The following HTR2C variants were observed in gnomAD, a reference collection of about 807,000 sequenced individuals.
HTR2C encodes 5-hydroxytryptamine receptor 2C.
A neutral mutation model predicts 21.0 loss-of-function variants in HTR2C; 5 were observed. The observed-to-expected ratio is 0.24, with a 90% CI of 0.12 to 0.50. HTR2C has a LOEUF of 0.50. HTR2C is among the 20% of genes least tolerant of loss of function. The pLI, the probability that HTR2C is intolerant of heterozygous loss-of-function variation, is 0.98. For synonymous variants in HTR2C, 150 were observed against 145.3 expected, an observed-to-expected ratio of 1.03 and a Z score of -0.23; for missense variants, 271 against 371.2, an observed-to-expected ratio of 0.73 and a Z score of 2.22.
At chrX:114,621,338 G>A (rs1222955372) in intron 2 of HTR2C, among the ~76,000 whole-genome samples, 3 of 112,173 alleles carry the variant, frequency 2.7e-5, no homozygotes, top group African/African-American at 9.7e-5. Flanking sequence ...ACTCAGCTCT[G>A]CCATTGTAGC....
intron 4 of HTR2C, among the ~76,000 whole-genome samples, chrX:114,794,283 G>A (rs1556444486): frequency 9.0e-6 from 1 of 110,902 alleles, no homozygotes. Flanking sequence ...CTAATTTATG[G>A]CTACCTCTTT....
intron 2 of HTR2C, among the ~76,000 whole-genome samples, chrX:114,636,041 G>T (rs1299063028): frequency 9.2e-6 from 1 of 109,274 alleles, no homozygotes; most frequent in Non-Finnish European, 1.9e-5. Context: ...AGCCAACTCA[G>T]CTGGGAAGCA....
chrX:114,602,546 C>T (rs1181676102), intron 1 of HTR2C, among the ~76,000 whole-genome samples: 1 of 76,872 alleles, frequency 1.3e-5, no homozygotes, highest in Non-Finnish European at 2.5e-5. Flanking sequence ...GACGGAGGAC[C>T]ATAAGGGATA....
chrX:114,864,349 A>G (rs113401196), intron 5 of HTR2C, among the ~76,000 whole-genome samples: 2 of 111,522 alleles, frequency 1.8e-5, no homozygotes, highest in Non-Finnish European at 3.8e-5. Flanking sequence ...ATAAAACATC[A>G]TATAGTTATA....
chrX:114,800,041 C>G lies in HTR2C; in HGVS notation c.350-47962C>G, dbSNP rs909877700. 8.2e-5 allele frequency among the ~76,000 whole-genome samples: 9 copies of G among 110,398 alleles called. No homozygotes were observed. The South Asian group carries it at 3.4e-3, about 42-fold the overall frequency. ...AAAAAAGGTGACTTTTGAGTAGGGT[C>G]TTAAAATGTAACTGGGTTTTTGAGA... On this transcript the variant is annotated intron_variant, in intron 4 of 5. Coordinates refer to ENST00000276198, the MANE Select transcript of HTR2C (RefSeq NM_000868.4).
At chrX:114,754,440 G>A (rs4338289) in intron 4 of HTR2C, among the ~76,000 whole-genome samples, 9,362 of 111,546 alleles carry the variant, frequency 0.084, 407 homozygotes, top group Middle Eastern at 0.14. Context: ...CATATTTGCA[G>A]AGGAAGGGAC....
Position 114,727,996 on chromosome X carries a change from A to G in HTR2C, c.35+1025A>G, listed in dbSNP as rs920984472. Among the ~76,000 whole-genome samples, 3 of 111,967 alleles carry G rather than the reference A, an allele frequency of 2.7e-5. No homozygotes were observed. In the Admixed American group the frequency reaches 2.9e-4, roughly 11 times the overall value. On this transcript the variant is annotated intron_variant, in intron 3 of 5. Coordinates refer to ENST00000276198, the MANE Select transcript of HTR2C (RefSeq NM_000868.4). ...CAACTTAGTATATAGCCATTGGCCC[A>G]TATACCAAAGTGTAGGACTGCCGTA...
chrX:114,724,642 AAT>A (rs1556421448), intron 2 of HTR2C, among the ~76,000 whole-genome samples: 4 of 100,211 alleles, frequency 4.0e-5, no homozygotes, highest in Non-Finnish European at 4.0e-5. Context: ...ATGATTTTGC[AAT>A]GGCTGGTACC....
intron 2 of HTR2C, among the ~76,000 whole-genome samples, chrX:114,647,918 TATC>T (rs1292728472): frequency 1.8e-5 from 2 of 112,102 alleles, no homozygotes; most frequent in African/African-American, 3.2e-5. Flanking sequence ...GGAGCAGAAA[TATC>T]ATCACCCATC....
At chrX:114,901,249 T>G (rs1475880595) in intron 5 of HTR2C, among the ~76,000 whole-genome samples, 1 of 112,383 alleles carries the variant, frequency 8.9e-6, no homozygotes, top group Non-Finnish European at 1.9e-5. Context: ...ATTCAAGGTT[T>G]TAAGAAATAA....
chrX:114,771,238 T>A (rs1301733003), intron 4 of HTR2C, among the ~76,000 whole-genome samples: 1 of 111,900 alleles, frequency 8.9e-6, no homozygotes, highest in Non-Finnish European at 1.9e-5. Flanking sequence ...TTTGTCCTCA[T>A]TGCTGCTTGC....
At chrX:114,711,239 T>C (rs782771249) in intron 2 of HTR2C, among the ~76,000 whole-genome samples, 1 of 111,617 alleles carries the variant, frequency 9.0e-6, no homozygotes, top group Non-Finnish European at 1.9e-5. Flanking sequence ...ACAATAACAA[T>C]GATTTTGTTT....
At chrX:114,669,431 C>T (rs1556411324) in intron 2 of HTR2C, among the ~76,000 whole-genome samples, 2 of 111,741 alleles carry the variant, frequency 1.8e-5, no homozygotes, top group African/African-American at 6.5e-5. Context: ...TTACTGAGCC[C>T]CCTTCGTCTA....
At chrX:114,724,863 TGG>T (rs1933387718) in intron 2 of HTR2C, among the ~76,000 whole-genome samples, 2 of 102,259 alleles carry the variant, frequency 2.0e-5, no homozygotes, top group South Asian at 5.2e-4. Context: ...TTCTGGCTTG[TGG>T]AGTTTCTGCC....
At chrX:114,764,945 CTTCCTTCT>C in intron 4 of HTR2C, among the ~76,000 whole-genome samples, 1 of 79,733 alleles carries the variant, frequency 1.3e-5, no homozygotes, top group East Asian at 3.9e-4. Flanking sequence ...TCCTTCCTTC[CTTCCTTCT>C]ATCTTTCTTC....
At chrX:114,767,183 T>C (rs1368884373) in intron 4 of HTR2C, among the ~76,000 whole-genome samples, 1 of 111,377 alleles carries the variant, frequency 9.0e-6, no homozygotes, top group Non-Finnish European at 1.9e-5. Context: ...TTGCTGTTTT[T>C]TATGTAATTG....
At chrX:114,901,363 G>A (rs1267990106) in intron 5 of HTR2C, among the ~76,000 whole-genome samples, 1 of 111,943 alleles carries the variant, frequency 8.9e-6, no homozygotes, top group Non-Finnish European at 1.9e-5. Flanking sequence ...TGCATGTAAA[G>A]TATGTAATGC....
At chrX:114,846,214 A>G (rs1234150313) in intron 4 of HTR2C, among the ~76,000 whole-genome samples, 2 of 111,588 alleles carry the variant, frequency 1.8e-5, no homozygotes, top group Non-Finnish European at 3.8e-5. Flanking sequence ...AGCTCAAGAC[A>G]AGAAGTTTTC....
rs370593237 is a variant in HTR2C at position 114,894,075 on chromosome X, A to ATGGGACTGCCG, written c.551-12505_551-12504insCGTGGGACTGC. On this transcript the variant is annotated intron_variant, in intron 5 of 5. Coordinates refer to ENST00000276198, the MANE Select transcript of HTR2C (RefSeq NM_000868.4). ...GTGGCAACTGAAACTTTCATTGCGG[A>ATGGGACTGCCG]TGGGACTGCAAAATGGTACTTTGTC... Among the ~76,000 whole-genome samples, 1,034 of 111,695 alleles carry ATGGGACTGCCG rather than the reference A, an allele frequency of 9.3e-3. 13 individuals are homozygous for ATGGGACTGCCG. The highest frequency in any genetic ancestry group is 0.032 in the African/African-American group (976 of 30,716).
Sources: allele counts gnomAD v4.1 joint callset (sites outside exome capture counted in the v4.1 genomes callset), GRCh38; gene constraint gnomAD v4.1.1; transcripts MANE v1.5; gene names NCBI Gene and HGNC (gene_info 2026-07-23, HGNC 2026-07-21).